DUSP13B: variants seen among roughly 807,000 people sequenced by gnomAD.
The protein encoded by DUSP13B is dual specificity phosphatase 13B.
the DUSP13B span, chr10:75,097,625 A>G: frequency 7.5e-7 from 1 of 1,340,480 alleles, no homozygotes; most frequent in Non-Finnish European, 9.9e-7. Flanking sequence ...TCTGCCCTAG[A>G]GGGCTCTGAG....
At chr10:75,103,854 G>A in the DUSP13B span, 2 of 1,266,322 alleles carry the variant, frequency 1.6e-6, no homozygotes, top group African/African-American at 1.5e-5. Context: ...CCCTGGCCAA[G>A]AAGCCTGAGG....
At chr10:75,100,192 C>T in the DUSP13B span, among the ~76,000 whole-genome samples, 1 of 152,280 alleles carries the variant, frequency 6.6e-6, no homozygotes, top group South Asian at 2.1e-4. Context: ...CCCCAGGAGG[C>T]TCCAGAGGGG....
At chr10:75,099,202 C>G in the DUSP13B span, 1 of 1,219,924 alleles carries the variant, frequency 8.2e-7, no homozygotes, top group East Asian at 3.4e-5. Flanking sequence ...GCTAACTGCC[C>G]CTGATCCCCT....
the DUSP13B span, among the ~76,000 whole-genome samples, chr10:75,106,886 G>C: frequency 6.6e-6 from 1 of 152,210 alleles, no homozygotes; most frequent in African/African-American, 2.4e-5. Context: ...ACATAGATGA[G>C]GAAACTGAAG....
the DUSP13B span, chr10:75,103,945 C>A: frequency 7.6e-7 from 1 of 1,322,776 alleles, no homozygotes; most frequent in Non-Finnish European, 1.0e-6. Context: ...CCAGGAGGAG[C>A]CAGATGGAGT....
chr10:75,102,198 C>T, the DUSP13B span, among the ~76,000 whole-genome samples: 3 of 152,112 alleles, frequency 2.0e-5, no homozygotes, highest in African/African-American at 4.8e-5. Context: ...GAGAAGGGGC[C>T]GGGCGCGGTG....
At chr10:75,099,380 T>G in the DUSP13B span, 2 of 1,232,300 alleles carry the variant, frequency 1.6e-6, no homozygotes, top group Non-Finnish European at 2.0e-6. Context: ...GCTGTCCTCC[T>G]CATCCCCCAC....
chr10:75,108,912 A>C, the DUSP13B span: 371 of 1,471,804 alleles, frequency 2.5e-4, 1 homozygote, highest in Middle Eastern at 2.2e-3. Context: ...GAGCAGAGCT[A>C]TTTCTCCTTG....
the DUSP13B span, chr10:75,094,860 C>T: frequency 6.2e-7 from 1 of 1,614,132 alleles, no homozygotes; most frequent in African/African-American, 1.3e-5. Context: ...CCCCATGGCA[C>T]AGTGTACCAG....
chr10:75,099,082 C>T, the DUSP13B span: 32 of 1,232,364 alleles, frequency 2.6e-5, no homozygotes, highest in African/African-American at 3.1e-5. Flanking sequence ...GGTCAGGTAG[C>T]TTGTTTCAGG....
At chr10:75,103,846 C>A in the DUSP13B span, 1 of 1,256,936 alleles carries the variant, frequency 8.0e-7, no homozygotes. Flanking sequence ...CTTGGGGTCC[C>A]TGGCCAAGAA....
At chr10:75,103,974 C>T in the DUSP13B span, 1 of 1,339,346 alleles carries the variant, frequency 7.5e-7, no homozygotes. Flanking sequence ...CTAGGGCCGA[C>T]CCCACGCTGG....
At chr10:75,102,305 T>C in the DUSP13B span, among the ~76,000 whole-genome samples, 1 of 151,758 alleles carries the variant, frequency 6.6e-6, no homozygotes, top group East Asian at 1.9e-4. Context: ...TAGCCGGGCG[T>C]GGTGGTGGAT....
chr10:75,094,784 C>T, the DUSP13B span: 1 of 1,614,084 alleles, frequency 6.2e-7, no homozygotes. Context: ...TCTGGATGGC[C>T]TCTACCAGCG....
At chr10:75,105,932 G>A in the DUSP13B span, 2 of 1,482,336 alleles carry the variant, frequency 1.3e-6, no homozygotes, top group East Asian at 2.5e-5. Context: ...GGCTGGGATG[G>A]GGACCCAAGT....
chr10:75,096,246 C>T, the DUSP13B span, among the ~76,000 whole-genome samples: 1 of 151,866 alleles, frequency 6.6e-6, no homozygotes, highest in Non-Finnish European at 1.5e-5. Context: ...CAGAGCTAGA[C>T]TCCATCTCAA....
the DUSP13B span, chr10:75,105,699 G>A: frequency 1.3e-6 from 2 of 1,550,984 alleles, no homozygotes; most frequent in Non-Finnish European, 1.7e-6. Flanking sequence ...GCAGTTGCTG[G>A]TCCAGCCTGC....
the DUSP13B span, among the ~76,000 whole-genome samples, chr10:75,098,560 G>A: frequency 3.6e-3 from 552 of 152,254 alleles, 2 homozygotes; most frequent in African/African-American, 0.012. Flanking sequence ...TCAGGAGTTC[G>A]AGACCAGCCT....
chr10:75,105,909 C>T, the DUSP13B span: 2 of 1,528,886 alleles, frequency 1.3e-6, no homozygotes, highest in Admixed American at 2.0e-5. Context: ...TCCCACACAC[C>T]GGCCCACCCA....
Sources: allele counts gnomAD v4.1 joint callset (sites outside exome capture counted in the v4.1 genomes callset), GRCh38; gene constraint gnomAD v4.1.1; transcripts MANE v1.5; gene names NCBI Gene and HGNC (gene_info 2026-07-23, HGNC 2026-07-21).